The following PTGDR variants were observed in gnomAD, a reference collection of about 807,000 sequenced individuals.
PTGDR encodes the protein prostaglandin D2 receptor, also known as PGD2 receptor.
PTGDR carries 19 observed loss-of-function variants against 17.4 expected under a neutral mutation model. The ratio of observed to expected loss-of-function variants is 1.09; its 90% CI spans 0.76 to 1.60. The LOEUF is 1.60. Among genes scored for constraint, PTGDR ranks in the 40% most tolerant of loss-of-function variants. The pLI, the probability that PTGDR is intolerant of heterozygous loss-of-function variation, is 0.00. For synonymous variants in PTGDR, 267 were observed against 224.2 expected (o/e 1.19, Z -1.71); for missense variants, 526 against 481.9 (o/e 1.09, Z -0.86).
At position 52,268,618 on chromosome 14, in the gene PTGDR, G is replaced by C. The variant is rs1449820012; in HGVS notation, c.804G>C (p.Ala268=). ...AGCTGGATCACCTCCTGCTGCTGGC[G>C]CTGATGACCGTGCTCTTCACTATGT... ...LEELDHLLLL[A]LMTVLFTMCS... The change falls in exon 1 of 2, where the codon GCG becomes GCC. Residue 268 remains alanine, a synonymous_variant. Transcript: ENST00000306051. 1.2e-6 allele frequency: 2 copies of C among 1,604,186 alleles called. No homozygotes were observed. Among genetic ancestry groups the C allele is most frequent in the African/African-American group, 1.3e-5 (1 of 74,752 alleles).
At chr14:52,274,381 T>C (rs1178673946) in intron 1 of PTGDR, among the ~76,000 whole-genome samples, 1 of 152,216 alleles carries the variant, frequency 6.6e-6, no homozygotes, top group Non-Finnish European at 1.5e-5. Flanking sequence ...ATTCTGTATT[T>C]ATGAAAGCAT....
rs769135378 is a variant in PTGDR at position 52,268,097 on chromosome 14, G to A, written c.283G>A (p.Val95Met). The A allele has an allele frequency of 1.9e-6, 3 of 1,613,810 alleles. No homozygotes were observed. The African/African-American group carries it at 4.0e-5, about 22-fold the overall frequency. ...CTACGCTCAGAACCGGAGTCTGCGGGTGCTTGCGCCCGCATTGGACAACTC... is the reference window on the plus strand; with the variant it reads ...CTACGCTCAGAACCGGAGTCTGCGGATGCTTGCGCCCGCATTGGACAACTC... ...AAYAQNRSLRVLAPALDNSLC... is the reference protein window; with the variant it reads ...AAYAQNRSLRMLAPALDNSLC... Residue 95 changes from valine to methionine, a missense_variant, in exon 1 of 2, where the codon GTG (valine) becomes ATG (methionine). Coordinates refer to ENST00000306051, the MANE Select transcript of PTGDR (RefSeq NM_000953.3).
intron 1 of PTGDR, chr14:52,269,321 G>A (rs1033353089): frequency 1.8e-5 from 13 of 734,380 alleles, no homozygotes; most frequent in African/African-American, 1.0e-4. Flanking sequence ...TGCTGGTGTC[G>A]TTTTGACAAC....
At position 52,274,800 on chromosome 14, in the gene PTGDR, C is replaced by A. The variant is rs988872915; in HGVS notation, c.916C>A (p.Leu306Ile). The change falls in exon 2 of 2, where the codon CTC (leucine) becomes ATC (isoleucine). Residue 306 changes from leucine to isoleucine, a missense_variant. Physicochemically the swap from Leu to Ile is conservative, Grantham distance 5 (BLOSUM62 2). Transcript: ENST00000306051. ...KNRTSEEAED[L>I]RALRFLSVIS... ...CAGGACCTCTGAAGAAGCAGAAGACCTCCGAGCCTTGCGATTTCTATCTGT... is the reference window on the plus strand; with the variant it reads ...CAGGACCTCTGAAGAAGCAGAAGACATCCGAGCCTTGCGATTTCTATCTGT... 2 of 1,613,676 alleles carry A rather than the reference C, an allele frequency of 1.2e-6. No individual in the cohort carries two copies. Among genetic ancestry groups the A allele is most frequent in the Non-Finnish European group, 1.7e-6 (2 of 1,179,678 alleles).
Position 52,267,745 on chromosome 14 carries a change from C to G in PTGDR, c.-70C>G, listed in dbSNP as rs568699260. 2 of 1,471,332 alleles carry G rather than the reference C, an allele frequency of 1.4e-6. No homozygotes were observed. The highest frequency in any genetic ancestry group is 2.4e-5 in the East Asian group (1 of 41,574). The allele number at this position is 1,471,332 out of a possible 1,614,324, so 91.1% of individuals were successfully genotyped here. A position where few individuals can be genotyped will look rare whatever the true frequency, so the allele number is the denominator to read the frequency against. ...GCCGCGCGCGGAGCTGCCGGGGGCTCCTTAGCACCCGGGCGCCGGGGCCCT... is the reference window on the plus strand; with the variant it reads ...GCCGCGCGCGGAGCTGCCGGGGGCTGCTTAGCACCCGGGCGCCGGGGCCCT... On this transcript the variant is annotated 5_prime_UTR_variant, in exon 1 of 2. Coordinates refer to ENST00000306051, the MANE Select transcript of PTGDR (RefSeq NM_000953.3).
At chr14:52,274,499 C>A (rs981169730) in intron 1 of PTGDR, among the ~76,000 whole-genome samples, 3 of 152,188 alleles carry the variant, frequency 2.0e-5, no homozygotes, top group Non-Finnish European at 4.4e-5. Flanking sequence ...CAGACTGGGT[C>A]TCCGACAAGT....
chr14:52,270,319 G>A lies in PTGDR; in HGVS notation c.846+1659G>A, dbSNP rs573995601. The stretch of plus-strand genomic sequence containing the variant: ...TCACAGCACTTTGGGAGGCCGAGGC[G>A]GGCAGATCATGAGGTCAAGAGATCG... On this transcript the variant is annotated intron_variant, in intron 1 of 1. Transcript: ENST00000306051. Among the ~76,000 whole-genome samples the A allele has an allele frequency of 5.3e-5, 8 of 152,206 alleles. No homozygotes were observed. In the East Asian group the frequency reaches 1.2e-3, roughly 22 times the overall value.
rs41516947 is a variant in PTGDR, at chr14:52,268,506, G to A, written c.692G>A (p.Arg231Gln). 6.2e-7 allele frequency: 1 copy of A among 1,611,036 alleles called. No homozygotes were observed. The highest frequency in any genetic ancestry group is 1.3e-5 in the African/African-American group (1 of 74,938). The change falls in exon 1 of 2, where the codon CGG becomes CAG. Residue 231 changes from arginine (R) to glutamine (Q), a missense_variant. Coordinates refer to ENST00000306051, the MANE Select transcript of PTGDR (RefSeq NM_000953.3). ...CGCAACCTCTATGCGATGCACCGGCGGCTGCAGCGGCACCCGCGCTCCTGC... is the reference window on the plus strand; with the variant it reads ...CGCAACCTCTATGCGATGCACCGGCAGCTGCAGCGGCACCCGCGCTCCTGC... ...AMRNLYAMHR[R>Q]LQRHPRSCTR...
intron 1 of PTGDR, among the ~76,000 whole-genome samples, chr14:52,271,202 C>T (rs929481206): frequency 3.3e-5 from 5 of 152,082 alleles, no homozygotes; most frequent in African/African-American, 1.2e-4. Context: ...TCACCTAGCC[C>T]AGTGTCTTGC....
chr14:52,271,374 A>C lies in PTGDR; in HGVS notation c.846+2714A>C, dbSNP rs1028638109. On this transcript the variant is annotated intron_variant, in intron 1 of 1. Coordinates refer to ENST00000306051, the MANE Select transcript of PTGDR (RefSeq NM_000953.3). ...TTTTTTTTGGTCTAAGGACCCCTTT[A>C]TACTCTTAAAATTATTAATGACCCA... is the stretch of plus-strand genomic sequence containing the variant. Among the ~76,000 whole-genome samples, 2 of 152,156 alleles carry C rather than the reference A, an allele frequency of 1.3e-5. 1 individual carries two copies. Among genetic ancestry groups the C allele is most frequent in the Middle Eastern group, 6.3e-3 (2 of 316 alleles).
intron 1 of PTGDR, chr14:52,269,681 G>A: frequency 1.4e-6 from 1 of 731,284 alleles, no homozygotes; most frequent in Non-Finnish European, 2.2e-6. Flanking sequence ...TTTCAATGGT[G>A]AATGAAAGGG....
rs1362901218 is a variant in PTGDR, at chr14:52,276,519, A to G, written c.*1555A>G. ...CCAAATTAGGCATACAAGGAGTATGATTTAACAGTATGACATGATGAAAAA... is the reference window on the plus strand; with the variant it reads ...CCAAATTAGGCATACAAGGAGTATGGTTTAACAGTATGACATGATGAAAAA... On this transcript the variant is annotated 3_prime_UTR_variant, in exon 2 of 2. Transcript: ENST00000306051. 1 of 152,230 alleles carries G rather than the reference A, an allele frequency of 6.6e-6. No individual in the cohort carries two copies. 9.4% of individuals were successfully genotyped at this position (152,230 alleles called of 1,614,324 possible).
In PTGDR at chr14:52,276,562, A is replaced by G. The variant is rs997787323; in HGVS notation, c.*1598A>G. 3 of 152,154 alleles carry G rather than the reference A, an allele frequency of 2.0e-5. No individual in the cohort carries two copies. Among genetic ancestry groups the G allele is most frequent in the Admixed American group, 2.0e-4 (3 of 15,270 alleles). The allele number at this position is 152,154 out of a possible 1,614,324, so 9.4% of individuals were successfully genotyped here. On this transcript the variant is annotated 3_prime_UTR_variant, in exon 2 of 2. Transcript: ENST00000306051. ...ATGAAAAAAATACAGTTGTTTTTGA[A>G]ATTTAACTTTTGTTTGTACCTTCAA...
At chr14:52,276,755 G>C (rs542618947), downstream of PTGDR, 1 of 152,162 alleles carries the variant, frequency 6.6e-6, no homozygotes, top group South Asian at 2.1e-4. Flanking sequence ...TTCTTTAAAT[G>C]AAAGAAAAGG....
chr14:52,279,610 G>A (rs950461741), downstream of PTGDR, among the ~76,000 whole-genome samples: 5 of 152,006 alleles, frequency 3.3e-5, no homozygotes, highest in East Asian at 7.7e-4. Flanking sequence ...TCTCTCTACC[G>A]TTTCACAATA....
downstream of PTGDR, among the ~76,000 whole-genome samples, chr14:52,278,040 AT>A (rs1294243464): frequency 1.3e-5 from 2 of 152,214 alleles, no homozygotes; most frequent in Admixed American, 6.5e-5. Context: ...TAGTTCAACC[AT>A]TGTGGAAGTC....
chr14:52,268,039 C>A lies in PTGDR; in HGVS notation c.225C>A (p.Gly75=). The part of the protein sequence containing the change: ...VCGLTVTDLL[G]KCLLSPVVLA... Reference sequence around the variant, plus strand: ...GCCTGACGGTCACCGACTTGCTGGGCAAGTGCCTCCTAAGCCCGGTGGTGC... The same window carrying A: ...GCCTGACGGTCACCGACTTGCTGGGAAAGTGCCTCCTAAGCCCGGTGGTGC... The change falls in exon 1 of 2, where the codon GGC becomes GGA. Residue 75 remains glycine (G), a synonymous_variant. Coordinates refer to ENST00000306051, the MANE Select transcript of PTGDR (RefSeq NM_000953.3). The A allele has an allele frequency of 6.2e-7, 1 of 1,611,860 alleles. No homozygotes were observed. Among genetic ancestry groups the A allele is most frequent in the South Asian group, 1.1e-5 (1 of 91,092 alleles).
In PTGDR at chr14:52,268,616, G is replaced by C. The variant is rs926462022; in HGVS notation, c.802G>C (p.Ala268Pro). The C allele has an allele frequency of 6.2e-7, 1 of 1,605,628 alleles. No homozygotes were observed. Among genetic ancestry groups the C allele is most frequent in the African/African-American group, 1.3e-5 (1 of 74,896 alleles). Residue 268 changes from alanine (A) to proline (P), a missense_variant, in exon 1 of 2, where the codon GCG (alanine) becomes CCG (proline). Physicochemically the swap from Ala to Pro is conservative, Grantham distance 27 (BLOSUM62 -1). Transcript: ENST00000306051. ...GGAGCTGGATCACCTCCTGCTGCTG[G>C]CGCTGATGACCGTGCTCTTCACTAT... ...LEELDHLLLLALMTVLFTMCS... is the reference protein window; with the variant it reads ...LEELDHLLLLPLMTVLFTMCS...
rs1037840344 is a variant in PTGDR at position 52,269,542 on chromosome 14, G to T, written c.846+882G>T. 34 of 1,529,010 alleles carry T rather than the reference G, an allele frequency of 2.2e-5. No individual in the cohort carries two copies. The African/African-American group carries it at 3.6e-4, about 16-fold the overall frequency. 94.7% of individuals were successfully genotyped at this position (1,529,010 alleles called of 1,614,324 possible). A position where few individuals can be genotyped will look rare whatever the true frequency, so the allele number is the denominator to read the frequency against. ...TGCTGCTCCTCTCCTTTCTCCCAAGGTACCTGTTCAACAAAAACAATACTT... is the reference window on the plus strand; with the variant it reads ...TGCTGCTCCTCTCCTTTCTCCCAAGTTACCTGTTCAACAAAAACAATACTT... On this transcript the variant is annotated intron_variant, in intron 1 of 1. Transcript: ENST00000306051.
Sources: gnomAD v4.1 joint callset for allele counts (sites outside exome capture counted in the v4.1 genomes callset) on GRCh38, gnomAD v4.1.1 for gene constraint, MANE v1.5 for transcripts, NCBI Gene and HGNC (gene_info 2026-07-23, HGNC 2026-07-21) for gene names.